SSBP2: variants seen among roughly 807,000 people sequenced by gnomAD.
SSBP2 encodes the protein single-stranded DNA-binding protein 2.
Under a neutral mutation model 61.8 loss-of-function variants are expected in SSBP2, and 17 were observed. The observed-to-expected ratio is 0.28, with a 90% CI of 0.19 to 0.41. The LOEUF (loss-of-function observed/expected upper bound fraction) is 0.41. Among genes scored for constraint, SSBP2 ranks in the 10% least tolerant of loss-of-function variants. The pLI is 1.00. For missense variants in SSBP2, 310 were observed against 458.7 expected, an observed-to-expected ratio of 0.68 and a Z score of 2.96; for synonymous variants, 139 against 141.3, an observed-to-expected ratio of 0.98 and a Z score of 0.12.
rs1385890897 is a variant in SSBP2 at position 81,492,097 on chromosome 5, T to C, written c.373-2788A>G. Reference sequence around the variant, plus strand: ...TCAAAATGTTAACCCCAATTTTAATTATTTTATGGTAAAATGCTAATCTGT... The same window carrying C: ...TCAAAATGTTAACCCCAATTTTAATCATTTTATGGTAAAATGCTAATCTGT... On this transcript the variant is annotated intron_variant, in intron 5 of 16. Coordinates refer to ENST00000320672, the MANE Select transcript of SSBP2 (RefSeq NM_012446.5). Among the ~76,000 whole-genome samples the C allele has an allele frequency of 1.1e-4, 17 of 152,354 alleles. No individual in the cohort carries two copies. In the East Asian group the frequency reaches 3.1e-3, roughly 28 times the overall value.
chr5:81,549,565 C>CT (rs2154127650), intron 4 of SSBP2, among the ~76,000 whole-genome samples: 1 of 152,314 alleles, frequency 6.6e-6, no homozygotes, highest in African/African-American at 2.4e-5. Context: ...AAGCAAAACT[C>CT]TAAGCCCTTT....
At chr5:81,666,165 C>A (rs1369113347) in intron 1 of SSBP2, among the ~76,000 whole-genome samples, 1 of 152,106 alleles carries the variant, frequency 6.6e-6, no homozygotes, top group Admixed American at 6.6e-5. Flanking sequence ...AAAATCTCTG[C>A]CAATGGAACC....
chr5:81,421,482 T>G (rs1236688849), intron 16 of SSBP2, among the ~76,000 whole-genome samples: 2 of 152,170 alleles, frequency 1.3e-5, no homozygotes, highest in Non-Finnish European at 2.9e-5. Context: ...CGTGAGACCC[T>G]GTGCTCGGCC....
At chr5:81,674,803 T>C (rs1751832812) in intron 1 of SSBP2, among the ~76,000 whole-genome samples, 1 of 152,220 alleles carries the variant, frequency 6.6e-6, no homozygotes, top group South Asian at 2.1e-4. Context: ...AATAGGCTCA[T>C]GGTACTAAAC....
chr5:81,422,936 T>C (rs996422598), intron 16 of SSBP2, among the ~76,000 whole-genome samples: 2 of 152,242 alleles, frequency 1.3e-5, no homozygotes, highest in South Asian at 2.1e-4. Context: ...CATAATGTGA[T>C]TCCACGTCTC....
chr5:81,438,214 G>A (rs1003688231), intron 14 of SSBP2, among the ~76,000 whole-genome samples: 3 of 152,014 alleles, frequency 2.0e-5, no homozygotes, highest in Admixed American at 6.6e-5. Flanking sequence ...AGCCGGGCAT[G>A]GTGGCAGGCC....
chr5:81,700,313 G>C (rs1263765784), intron 1 of SSBP2, among the ~76,000 whole-genome samples: 2 of 152,266 alleles, frequency 1.3e-5, no homozygotes, highest in Admixed American at 6.5e-5. Flanking sequence ...GAAAAAGAAA[G>C]AAATAGTCTT....
intron 5 of SSBP2, among the ~76,000 whole-genome samples, chr5:81,502,261 GGACA>G (rs1767854159): frequency 6.6e-6 from 1 of 152,104 alleles, no homozygotes; most frequent in Admixed American, 6.5e-5. Context: ...CAGCAGTATT[GGACA>G]CAGCTGATCA....
intron 4 of SSBP2, among the ~76,000 whole-genome samples, chr5:81,577,801 G>GGGCA (rs1774342930): frequency 6.6e-6 from 1 of 151,442 alleles, no homozygotes; most frequent in Non-Finnish European, 1.5e-5. Flanking sequence ...CCTATGTCAA[G>GGGCA]ATTAACCTTC....
At chr5:81,737,081 T>C (rs1044662509) in intron 1 of SSBP2, among the ~76,000 whole-genome samples, 3 of 152,128 alleles carry the variant, frequency 2.0e-5, no homozygotes, top group East Asian at 1.9e-4. Flanking sequence ...ATACACTCAG[T>C]CACTTTCAAC....
In SSBP2 at chr5:81,594,755, T is replaced by C. The variant is rs1042801707; in HGVS notation, c.282+20718A>G. ...TCCTGAATGACTACTGGGTACATAA[T>C]GAAATGAAGGCAGAAATAAAGATGT... On this transcript the variant is annotated intron_variant, in intron 4 of 16. Coordinates refer to ENST00000320672, the MANE Select transcript of SSBP2 (RefSeq NM_012446.5). Among the ~76,000 whole-genome samples the C allele has an allele frequency of 4.0e-4, 60 of 151,842 alleles. No individual in the cohort carries two copies. In the South Asian group the frequency reaches 7.9e-3, roughly 20 times the overall value.
intron 4 of SSBP2, among the ~76,000 whole-genome samples, chr5:81,546,002 A>C (rs926034706): frequency 6.6e-6 from 1 of 152,162 alleles, no homozygotes; most frequent in Admixed American, 6.5e-5. Flanking sequence ...AAGCTGGTTG[A>C]TCAGATGAAA....
chr5:81,689,251 AAG>A (rs1357599659), intron 1 of SSBP2, among the ~76,000 whole-genome samples: 3 of 152,110 alleles, frequency 2.0e-5, no homozygotes, highest in Admixed American at 6.5e-5. Context: ...GGGCAAATCT[AAG>A]AGTTATTGGC....
At chr5:81,661,681 C>T (rs1364232046) in intron 1 of SSBP2, among the ~76,000 whole-genome samples, 1 of 152,102 alleles carries the variant, frequency 6.6e-6, no homozygotes, top group African/African-American at 2.4e-5. Flanking sequence ...CCTTTCCCCA[C>T]TTTGTAATTG....
chr5:81,505,808 T>C (rs747268850), intron 5 of SSBP2, among the ~76,000 whole-genome samples: 21 of 152,276 alleles, frequency 1.4e-4, no homozygotes, highest in South Asian at 2.1e-4. Context: ...GAAAACCAAA[T>C]ACTGGTCTAG....
At chr5:81,534,857 A>ACCAGGAAGCAC (rs1445903633) in intron 4 of SSBP2, among the ~76,000 whole-genome samples, 2 of 152,118 alleles carry the variant, frequency 1.3e-5, no homozygotes, top group Non-Finnish European at 2.9e-5. Context: ...AGAGAACATT[A>ACCAGGAAGCAC]AGTGGGACAA....
chr5:81,458,425 G>A (rs1764314866), intron 10 of SSBP2, among the ~76,000 whole-genome samples: 1 of 152,206 alleles, frequency 6.6e-6, no homozygotes, highest in Non-Finnish European at 1.5e-5. Flanking sequence ...CGTTTATGTA[G>A]AGAGAGGAAA....
chr5:81,431,538 C>G (rs1459659319), intron 15 of SSBP2, among the ~76,000 whole-genome samples: 2 of 152,048 alleles, frequency 1.3e-5, no homozygotes, highest in African/African-American at 4.8e-5. Context: ...CCATGTTTAA[C>G]CCTGTTGGAC....
At chr5:81,570,320 T>A (rs1043533020) in intron 4 of SSBP2, among the ~76,000 whole-genome samples, 5 of 152,234 alleles carry the variant, frequency 3.3e-5, no homozygotes, top group Non-Finnish European at 2.9e-5. Flanking sequence ...GCTCAATTAA[T>A]ACTTTCTGGT....
Sources: gnomAD v4.1 joint callset for allele counts (sites outside exome capture counted in the v4.1 genomes callset) on GRCh38, gnomAD v4.1.1 for gene constraint, MANE v1.5 for transcripts, NCBI Gene and HGNC (gene_info 2026-07-23, HGNC 2026-07-21) for gene names.